The following DNAH17 variants were observed in gnomAD, a reference collection of about 807,000 sequenced individuals.
DNAH17 encodes dynein axonemal heavy chain 17, also known as axonemal beta dynein heavy chain 17.
DNAH17 carries 376 observed loss-of-function variants against 485.6 expected under a neutral mutation model. That is an observed-to-expected ratio of 0.77 (90% confidence interval 0.71 to 0.84). The LOEUF (loss-of-function observed/expected upper bound fraction) is 0.84, where lower values mean the gene tolerates loss of function less well. Ranked by LOEUF, DNAH17 falls within the 40% of genes least tolerant of loss-of-function variation. The probability of loss-of-function intolerance (pLI) is 0.00; values close to 1 mark genes in which losing one functional copy is unlikely to be tolerated. For missense variants in DNAH17, 6,370 were observed against 5,839.3 expected, an observed-to-expected ratio of 1.09 and a Z score of -2.96; for synonymous variants, 3,031 against 2,405.9, an observed-to-expected ratio of 1.26 and a Z score of -7.60.
intron 11 of DNAH17, among the ~76,000 whole-genome samples, chr17:78,564,264 T>C (rs2143675472): frequency 6.6e-6 from 1 of 152,284 alleles, no homozygotes; most frequent in Admixed American, 6.5e-5. Context: ...TTATCTGCTC[T>C]TCCCCTTGTG....
intron 16 of DNAH17, among the ~76,000 whole-genome samples, 170 bp downstream of exon 16, chr17:78,551,365 T>C (rs1157605494): frequency 6.6e-6 from 1 of 152,244 alleles, no homozygotes; most frequent in Non-Finnish European, 1.5e-5. Context: ...GGGCTCTTTC[T>C]GCCCTGGGAC....
chr17:78,459,837 G>A lies in DNAH17; in HGVS notation c.9600C>T (p.Ser3200=), dbSNP rs766030113. 4 of 1,614,016 alleles carry A rather than the reference G, an allele frequency of 2.5e-6. No individual in the cohort carries two copies. Among genetic ancestry groups the A allele is most frequent in the Admixed American group, 1.7e-5 (1 of 60,020 alleles). Residue 3200 remains serine, a synonymous_variant, in exon 60 of 81, where the codon TCC becomes TCT. Transcript: ENST00000389840. ...TGTGCTCCTTGTCGAACTTCTTCAG[G>A]GAGTCTAGGAAGGTGTCCACCTTGC... ...MMGKVDTFLD[S]LKKFDKEHIP... is the part of the protein sequence containing the mutation.
intron 51 of DNAH17, chr17:78,478,740 T>TCACCATCAC: frequency 2.6e-6 from 1 of 389,028 alleles, no homozygotes; most frequent in East Asian, 4.4e-5. Context: ...ACCACCATCA[T>TCACCATCAC]CACCATCACC....
At chr17:78,485,880 C>T in intron 46 of DNAH17, 80 bp downstream of exon 46, 1 of 1,574,390 alleles carries the variant, frequency 6.4e-7, no homozygotes, top group Non-Finnish European at 8.6e-7. Context: ...TTTGGACATT[C>T]CGTGCAGGCG....
At chr17:78,437,526 G>C (rs552883592) in intron 74 of DNAH17, 115 bp downstream of exon 74, 3 of 694,500 alleles carry the variant, frequency 4.3e-6, no homozygotes, top group Non-Finnish European at 7.1e-6. Context: ...GGGAAGCCCA[G>C]AGGGGAGGTG....
At chr17:78,556,991 C>T (rs1050272897) in intron 14 of DNAH17, among the ~76,000 whole-genome samples, 13 of 152,176 alleles carry the variant, frequency 8.5e-5, no homozygotes, top group African/African-American at 3.1e-4. Context: ...AAGGAGGTGC[C>T]CTCAACAAGC....
In DNAH17 at chr17:78,500,392, G is replaced by A. The variant is rs758819911; in HGVS notation, c.5553C>T (p.Thr1851=). 9.3e-6 allele frequency: 15 copies of A among 1,612,108 alleles called. No homozygotes were observed. The highest frequency in any genetic ancestry group is 1.6e-4 in the Middle Eastern group (1 of 6,070). The change falls in exon 36 of 81, where the codon ACC becomes ACT. Residue 1851 remains threonine (T), a synonymous_variant. Coordinates refer to ENST00000389840, the MANE Select transcript of DNAH17 (RefSeq NM_173628.4). ...MGGAPAGPAG[T]GKTETTKDLG... ...GGTCCTTGGTCGTCTCAGTCTTGCCGGTCCCAGCGGGGCCGGCAGGGGCTC... is the reference window on the plus strand; with the variant it reads ...GGTCCTTGGTCGTCTCAGTCTTGCCAGTCCCAGCGGGGCCGGCAGGGGCTC...
At chr17:78,510,758 C>CCG (rs1555679578) in intron 26 of DNAH17, 8 of 394,436 alleles carry the variant, frequency 2.0e-5, no homozygotes, top group African/African-American at 4.2e-5. Flanking sequence ...GCGGCCCCCC[C>CCG]GCAAAATTCA....
Position 78,451,488 on chromosome 17 carries a change from G to A in DNAH17, c.10715C>T (p.Pro3572Leu). ...CATTACCTTCAGCTGTTCCAGATCT[G>A]GGCGCTCTTTGGCCACCACAGCGGC... ...LLAAVVAKERPDLEQLKANLT... is the reference protein window; with the variant it reads ...LLAAVVAKERLDLEQLKANLT... Residue 3572 changes from proline to leucine, a missense_variant, in exon 66 of 81, where the codon CCA becomes CTA. By Grantham distance (98) the Pro-to-Leu change is moderately conservative. Coordinates refer to ENST00000389840, the MANE Select transcript of DNAH17 (RefSeq NM_173628.4). 6.2e-7 allele frequency: 1 copy of A among 1,612,104 alleles called. No homozygotes were observed. Among genetic ancestry groups the A allele is most frequent in the Non-Finnish European group, 8.5e-7 (1 of 1,179,016 alleles).
In DNAH17 at chr17:78,506,746, G is replaced by C. The variant is rs759572374; in HGVS notation, c.4777C>G (p.Leu1593Val). Residue 1593 changes from leucine to valine, a missense_variant, in exon 30 of 81, where the codon CTC becomes GTC. Transcript: ENST00000389840. ...FVSSADLLDI[L>V]SNGNDPVEVS... is the part of the protein sequence containing the mutation. ...TCCACGGGGTCATTGCCATTGGAGA[G>C]AATGTCCAGGAGGTCAGCCGAGGAG... 1 of 1,613,912 alleles carries C rather than the reference G, an allele frequency of 6.2e-7. No homozygotes were observed. The highest frequency in any genetic ancestry group is 8.5e-7 in the Non-Finnish European group (1 of 1,179,900).
At position 78,454,602 on chromosome 17, in the gene DNAH17, G is replaced by T; in HGVS notation, c.10274C>A (p.Ser3425Tyr). 6.2e-7 allele frequency: 1 copy of T among 1,612,956 alleles called. No homozygotes were observed. Residue 3425 changes from serine to tyrosine, a missense_variant, in exon 64 of 81, where the codon TCC becomes TAC. Ser to Tyr is a moderately radical substitution (Grantham distance 144). Coordinates refer to ENST00000389840, the MANE Select transcript of DNAH17 (RefSeq NM_173628.4). ...NNQGLPSDRM[S>Y]TENATILGNT... ...GCCCAGGATGGTGGCATTCTCGGTGGACATGCGGTCGCTGGGGAGGCCCTG... is the reference window on the plus strand; with the variant it reads ...GCCCAGGATGGTGGCATTCTCGGTGTACATGCGGTCGCTGGGGAGGCCCTG...
intron 15 of DNAH17, among the ~76,000 whole-genome samples, chr17:78,551,934 GC>G (rs2091910856): frequency 6.7e-6 from 1 of 149,340 alleles, no homozygotes; most frequent in Admixed American, 6.7e-5. Context: ...TTGTACTCCA[GC>G]CCAGGCAACA....
chr17:78,486,995 T>G (rs1004824590), intron 44 of DNAH17, among the ~76,000 whole-genome samples: 1 of 102,582 alleles, frequency 9.7e-6, no homozygotes, highest in Admixed American at 9.2e-5. Context: ...GCTTTTTTTT[T>G]TTTTTTTTTT....
rs761425009 is a variant in DNAH17, at chr17:78,479,591, C to A, written c.7794G>T (p.Glu2598Asp). The change falls in exon 50 of 81, where the codon GAG becomes GAT. Residue 2598 changes from glutamate (E) to aspartate (D), a missense_variant. Glu to Asp is a conservative substitution (Grantham distance 45). Transcript: ENST00000389840. ...CVFAVSFPGQEALTTIYNTIL... is the reference protein window; with the variant it reads ...CVFAVSFPGQDALTTIYNTIL... ...TTGTGTTGTAGATGGTGGTGAGGGCCTCCTGGCCGGGGAAGCTCACAGCAA... is the reference window on the plus strand; with the variant it reads ...TTGTGTTGTAGATGGTGGTGAGGGCATCCTGGCCGGGGAAGCTCACAGCAA... 3 of 1,613,500 alleles carry A rather than the reference C, an allele frequency of 1.9e-6. No homozygotes were observed. Among genetic ancestry groups the A allele is most frequent in the Non-Finnish European group, 1.7e-6 (2 of 1,179,822 alleles).
intron 47 of DNAH17, 75 bp from the exon 48 acceptor site, chr17:78,485,108 C>T: frequency 6.7e-7 from 1 of 1,487,274 alleles, no homozygotes; most frequent in Non-Finnish European, 8.9e-7. Context: ...GGGGCGCTAC[C>T]TGCTTCCCCG....
At chr17:78,574,394 T>G (rs1331274111) in intron 2 of DNAH17, among the ~76,000 whole-genome samples, 2 of 151,844 alleles carry the variant, frequency 1.3e-5, no homozygotes, top group African/African-American at 4.8e-5. Flanking sequence ...TCCCAGCTAC[T>G]CAGGAGGCTG....
chr17:78,440,497 C>A (rs921974893), intron 72 of DNAH17, among the ~76,000 whole-genome samples: 3 of 151,946 alleles, frequency 2.0e-5, no homozygotes, highest in Non-Finnish European at 4.4e-5. Context: ...TGTGATCAAG[C>A]GATCCGCCCA....
At chr17:78,529,238 C>T (rs2091161557) in intron 22 of DNAH17, among the ~76,000 whole-genome samples, 1 of 152,162 alleles carries the variant, frequency 6.6e-6, no homozygotes, top group South Asian at 2.1e-4. Flanking sequence ...TTTAATCCAA[C>T]AAAACACCAA....
At chr17:78,495,163 C>T in intron 38 of DNAH17, 66 bp from the exon 39 acceptor site, 1 of 1,500,546 alleles carries the variant, frequency 6.7e-7, no homozygotes, top group Non-Finnish European at 8.9e-7. Context: ...CCCTGCCTGT[C>T]CCTCTTCACC....
Sources: gnomAD v4.1 joint callset for allele counts (sites outside exome capture counted in the v4.1 genomes callset) on GRCh38, gnomAD v4.1.1 for gene constraint, MANE v1.5 for transcripts, NCBI Gene and HGNC (gene_info 2026-07-23, HGNC 2026-07-21) for gene names.